The following ELFN1 variants were observed in gnomAD, a reference collection of about 807,000 sequenced individuals.
ELFN1 encodes the protein extracellular leucine rich repeat and fibronectin type III domain containing 1, also known as protein ELFN1.
In ELFN1, 6 loss-of-function variants were observed where a neutral mutation model predicts 7.6. The observed-to-expected ratio is 0.79, with a 90% CI of 0.43 to 1.56. The LOEUF is 1.56. ELFN1 is among the 40% of genes most tolerant of loss of function. The pLI is 0.01. For synonymous variants in ELFN1, 657 were observed against 588.1 expected, an observed-to-expected ratio of 1.12 and a Z score of -1.70; for missense variants, 1,169 against 1,232.2, an observed-to-expected ratio of 0.95 and a Z score of 0.77.
At chr7:1,696,437 G>A (rs541808704) in intron 2 of ELFN1, among the ~76,000 whole-genome samples, 1 of 150,680 alleles carries the variant, frequency 6.6e-6, no homozygotes, top group African/African-American at 2.4e-5. Context: ...TGTCACCCGG[G>A]CTGGAGTGCA....
At chr7:1,717,596 G>A (rs182799902) in intron 3 of ELFN1, among the ~76,000 whole-genome samples, 33 of 152,330 alleles carry the variant, frequency 2.2e-4, no homozygotes, top group African/African-American at 7.9e-4. Context: ...GGGGGAGCCT[G>A]ACCTTCCCAG....
At chr7:1,690,496 G>A (rs1221334343) in intron 2 of ELFN1, among the ~76,000 whole-genome samples, 1 of 151,580 alleles carries the variant, frequency 6.6e-6, no homozygotes, top group African/African-American at 2.4e-5. Flanking sequence ...GGGTAGATAA[G>A]TGGATGGATA....
chr7:1,738,176 G>A (rs1014664749), intron 3 of ELFN1, among the ~76,000 whole-genome samples: 3 of 152,222 alleles, frequency 2.0e-5, no homozygotes, highest in Non-Finnish European at 2.9e-5. Flanking sequence ...ACCACGGAGG[G>A]CGCGTGGTCC....
At position 1,718,847 on chromosome 7, in the gene ELFN1, G is replaced by A. The variant is rs552115458; in HGVS notation, c.-294+9595G>A. Among the ~76,000 whole-genome samples the A allele has an allele frequency of 2.0e-5, 3 of 152,252 alleles. No homozygotes were observed. In the South Asian group the frequency reaches 6.2e-4, roughly 32 times the overall value. On this transcript the variant is annotated intron_variant, in intron 3 of 3. Coordinates refer to ENST00000424383, the MANE Select transcript of ELFN1 (RefSeq NM_001128636.4). ...TGTGGACCTCAGCTGTGACCTCTCT[G>A]GCATCCTATCCTGGACAGAAGGGTC...
At chr7:1,714,597 T>A (rs1489549188) in intron 3 of ELFN1, among the ~76,000 whole-genome samples, 2 of 152,258 alleles carry the variant, frequency 1.3e-5, no homozygotes, top group East Asian at 3.8e-4. Context: ...AGTTGGATGC[T>A]GTAGCCCCGG....
intron 3 of ELFN1, among the ~76,000 whole-genome samples, chr7:1,726,986 CAG>C (rs1780215899): frequency 6.6e-6 from 1 of 152,126 alleles, no homozygotes; most frequent in African/African-American, 2.4e-5. Flanking sequence ...GCTACTTACT[CAG>C]GGGCACACAG....
chr7:1,722,291 G>A (rs1232256234), intron 3 of ELFN1, among the ~76,000 whole-genome samples: 2 of 145,100 alleles, frequency 1.4e-5, no homozygotes, highest in Non-Finnish European at 3.0e-5. Flanking sequence ...TTTTGAGATG[G>A]AGTCTCACTC....
chr7:1,667,909 C>G (rs1001641411), upstream of ELFN1, among the ~76,000 whole-genome samples: 2 of 147,034 alleles, frequency 1.4e-5, no homozygotes, highest in African/African-American at 5.1e-5. The surrounding 1 kb of genome is among the most constrained non-coding windows in gnomAD (Gnocchi z 8.2). Context: ...GAGGGGCGAC[C>G]CGGCCGGGAC....
rs1228740738 is a variant in ELFN1, at chr7:1,735,928, G to T, written c.-293-8376G>T. Among the ~76,000 whole-genome samples the T allele has an allele frequency of 6.6e-6, 1 of 152,130 alleles. No individual in the cohort carries two copies. Among genetic ancestry groups the T allele is most frequent in the Non-Finnish European group, 1.5e-5 (1 of 68,010 alleles). On this transcript the variant is annotated intron_variant, in intron 3 of 3. Coordinates refer to ENST00000424383, the MANE Select transcript of ELFN1 (RefSeq NM_001128636.4). This position sits in a 1 kb window ranked among gnomAD's most constrained non-coding sequence, Gnocchi z 5.9. ...GATGAGGGGACTGAGGCTAAGAGAG[G>T]TTAAGTGACATGCCCAAGGTCACAC...
chr7:1,675,591 C>T (rs1028604004), intron 1 of ELFN1, among the ~76,000 whole-genome samples: 6 of 152,250 alleles, frequency 3.9e-5, no homozygotes, highest in Non-Finnish European at 8.8e-5. Flanking sequence ...GCCCGCCCCA[C>T]ATGGATGAGA....
At chr7:1,734,427 CTAAT>C (rs1780391480) in intron 3 of ELFN1, among the ~76,000 whole-genome samples, 1 of 152,222 alleles carries the variant, frequency 6.6e-6, no homozygotes, top group African/African-American at 2.4e-5. Flanking sequence ...GTTTGAGTCT[CTAAT>C]TAACTCCAGA....
At chr7:1,724,376 C>T (rs544155360) in intron 3 of ELFN1, among the ~76,000 whole-genome samples, 1 of 152,290 alleles carries the variant, frequency 6.6e-6, no homozygotes, top group African/African-American at 2.4e-5. Flanking sequence ...TACCCTTGAA[C>T]TTGCTCTTGG....
At chr7:1,720,836 T>A (rs1394462394) in intron 3 of ELFN1, among the ~76,000 whole-genome samples, 1 of 150,698 alleles carries the variant, frequency 6.6e-6, no homozygotes, top group Non-Finnish European at 1.5e-5. Flanking sequence ...GAAGTAACGA[T>A]TACTAAATAG....
intron 1 of ELFN1, among the ~76,000 whole-genome samples, chr7:1,680,929 A>G (rs1328819242): frequency 6.6e-6 from 1 of 151,902 alleles, no homozygotes; most frequent in African/African-American, 2.4e-5. Flanking sequence ...TTTAGTAAAG[A>G]CAGGGTTTCA....
intron 2 of ELFN1, among the ~76,000 whole-genome samples, chr7:1,694,587 G>A (rs114999428): frequency 2.7e-3 from 411 of 152,304 alleles, no homozygotes; most frequent in African/African-American, 9.5e-3. Context: ...GATCCCAGGG[G>A]TACCCCCCAC....
Position 1,746,910 on chromosome 7 carries a change from G to A in ELFN1, c.2314G>A (p.Ala772Thr), listed in dbSNP as rs1360235661. ...YSSSPEYTCR[A>T]SQSIWERFRL... Reference sequence around the variant, plus strand: ...CTCCAGCCCCGAGTACACCTGCCGGGCCTCCCAGAGCATCTGGGAGCGCTT... The same window carrying A: ...CTCCAGCCCCGAGTACACCTGCCGGACCTCCCAGAGCATCTGGGAGCGCTT... Residue 772 changes from alanine (A) to threonine (T), a missense_variant, in exon 4 of 4, where the codon GCC becomes ACC. Physicochemically the swap from Ala to Thr is moderately conservative, Grantham distance 58 (BLOSUM62 0). Coordinates refer to ENST00000424383, the MANE Select transcript of ELFN1 (RefSeq NM_001128636.4). The A allele has an allele frequency of 1.0e-5, 16 of 1,547,794 alleles. No individual in the cohort carries two copies. The Admixed American group carries it at 1.2e-4, about 11-fold the overall frequency.
chr7:1,739,814 G>A lies in ELFN1; in HGVS notation c.-293-4490G>A, dbSNP rs566359946. On this transcript the variant is annotated intron_variant, in intron 3 of 3. Coordinates refer to ENST00000424383, the MANE Select transcript of ELFN1 (RefSeq NM_001128636.4). This position sits in a 1 kb window ranked among gnomAD's most constrained non-coding sequence, Gnocchi z 4.6. ...TTGGTGAGAGCGGCTCAGAGGGCCC[G>A]AGGGGGGACGCCCGGTGGGGCGGGG... Among the ~76,000 whole-genome samples the A allele has an allele frequency of 4.6e-5, 7 of 152,322 alleles. No individual in the cohort carries two copies. In the South Asian group the frequency reaches 8.3e-4, roughly 18 times the overall value.
chr7:1,714,324 A>G (rs1236771381), intron 3 of ELFN1, among the ~76,000 whole-genome samples: 5 of 152,186 alleles, frequency 3.3e-5, no homozygotes, highest in Admixed American at 1.3e-4. Flanking sequence ...CCTGCCCGGG[A>G]CAGACTGTCC....
intron 1 of ELFN1, among the ~76,000 whole-genome samples, chr7:1,680,613 C>T (rs1347420274): frequency 6.6e-6 from 1 of 152,140 alleles, no homozygotes; most frequent in East Asian, 1.9e-4. Flanking sequence ...GGTTTTCATG[C>T]ATTCATAGAG....
Sources: allele counts gnomAD v4.1 joint callset (sites outside exome capture counted in the v4.1 genomes callset), GRCh38; gene constraint gnomAD v4.1.1; non-coding constraint Gnocchi (gnomAD v3.1); transcripts MANE v1.5; gene names NCBI Gene and HGNC (gene_info 2026-07-23, HGNC 2026-07-21).